PIGL: variants seen among roughly 807,000 people sequenced by gnomAD.
PIGL encodes the protein phosphatidylinositol glycan anchor biosynthesis class L, also known as N-acetylglucosaminyl-phosphatidylinositol de-N-acetylase.
Under a neutral mutation model 31.1 loss-of-function variants are expected in PIGL, and 22 were observed. The observed-to-expected ratio is 0.71, with a 90% confidence interval of 0.51 to 1.01. PIGL has a LOEUF of 1.01. PIGL is among the 50% of genes least tolerant of loss of function. PIGL has a pLI of 0.00. For synonymous variants in PIGL, 131 were observed against 117.4 expected (o/e 1.12, Z -0.75); for missense variants, 302 against 315.9 (o/e 0.96, Z 0.33).
chr17:16,269,813 C>T (rs1317252648), intron 2 of PIGL, among the ~76,000 whole-genome samples: 1 of 151,930 alleles, frequency 6.6e-6, no homozygotes, highest in African/African-American at 2.4e-5. Context: ...GTTTGGGAAC[C>T]TCTGGGCTGG....
At chr17:16,320,550 G>A (rs55657627) in intron 6 of PIGL, among the ~76,000 whole-genome samples, 1 of 149,136 alleles carries the variant, frequency 6.7e-6, no homozygotes, top group African/African-American at 2.5e-5. Context: ...AGGAAGGAAG[G>A]AAGAAAGGAA....
intron 3 of PIGL, among the ~76,000 whole-genome samples, chr17:16,311,733 C>G (rs2093051439): frequency 6.6e-6 from 1 of 151,328 alleles, no homozygotes; most frequent in Non-Finnish European, 1.5e-5. Context: ...CCATTTAACC[C>G]TGAGTGGACA....
chr17:16,245,797 C>T (rs1477365594), intron 2 of PIGL, among the ~76,000 whole-genome samples: 1 of 137,644 alleles, frequency 7.3e-6, no homozygotes, highest in Non-Finnish European at 1.5e-5. Context: ...TATATATACA[C>T]ACACACACAT....
chr17:16,287,480 C>T (rs1302767963), intron 2 of PIGL, among the ~76,000 whole-genome samples: 1 of 152,138 alleles, frequency 6.6e-6, no homozygotes, highest in African/African-American at 2.4e-5. Flanking sequence ...GTCACAGTCC[C>T]CAATAAAGTA....
At chr17:16,303,028 A>G (rs1049127318) in intron 3 of PIGL, among the ~76,000 whole-genome samples, 1 of 151,994 alleles carries the variant, frequency 6.6e-6, no homozygotes, top group Non-Finnish European at 1.5e-5. Context: ...GTTGCAGCTG[A>G]CCTTGACCCT....
intron 2 of PIGL, among the ~76,000 whole-genome samples, chr17:16,277,062 C>T (rs1160247637): frequency 6.6e-6 from 1 of 152,120 alleles, no homozygotes; most frequent in Non-Finnish European, 1.5e-5. Flanking sequence ...CTTGAGATCC[C>T]AAGATAACTT....
At chr17:16,254,577 AT>A (rs2092785978) in intron 2 of PIGL, among the ~76,000 whole-genome samples, 2 of 145,980 alleles carry the variant, frequency 1.4e-5, no homozygotes, top group African/African-American at 5.1e-5. Flanking sequence ...ATATACATGA[AT>A]TTTTTTGTTT....
rs552488024 is a variant in PIGL, at chr17:16,276,755, A to G, written c.336-23133A>G. On this transcript the variant is annotated intron_variant, in intron 2 of 6. Transcript: ENST00000225609. ...TCCATCTCAAAAAATAAAATAAAAT[A>G]AAATGACTAGACTCTGATAACATGC... 5.3e-5 allele frequency among the ~76,000 whole-genome samples: 8 copies of G among 152,346 alleles called. No individual in the cohort carries two copies. The South Asian group carries it at 1.4e-3, about 28-fold the overall frequency.
intron 2 of PIGL, among the ~76,000 whole-genome samples, chr17:16,241,867 AT>A (rs941616627): frequency 2.0e-5 from 3 of 152,154 alleles, no homozygotes; most frequent in Admixed American, 2.0e-4. Context: ...GTCTTTAATG[AT>A]TGTAAAGATT....
At chr17:16,251,786 G>A (rs1255033202) in intron 2 of PIGL, among the ~76,000 whole-genome samples, 1 of 151,850 alleles carries the variant, frequency 6.6e-6, no homozygotes, top group Non-Finnish European at 1.5e-5. Flanking sequence ...AAAGGTATAG[G>A]AAATGAATAA....
At chr17:16,311,486 A>T (rs1568840846) in intron 3 of PIGL, among the ~76,000 whole-genome samples, 357 of 10,052 alleles carry the variant, frequency 0.036, no homozygotes, top group Middle Eastern at 0.077. Context: ...TTTTTTGATC[A>T]TTCTTGGGTG....
At chr17:16,257,687 T>A (rs1002091493) in intron 2 of PIGL, among the ~76,000 whole-genome samples, 1 of 151,938 alleles carries the variant, frequency 6.6e-6, no homozygotes, top group Non-Finnish European at 1.5e-5. Flanking sequence ...TGATGCTATT[T>A]AATTTTTATA....
At chr17:16,237,805 C>CAA (rs57265734) in intron 2 of PIGL, among the ~76,000 whole-genome samples, 9,773 of 101,642 alleles carry the variant, frequency 0.096, 1,164 homozygotes, top group African/African-American at 0.28. Context: ...GTCTCAAAAG[C>CAA]AAAAAAAAAA....
At chr17:16,320,442 AAAG>A (rs2093100010) in intron 6 of PIGL, among the ~76,000 whole-genome samples, 1 of 107,016 alleles carries the variant, frequency 9.3e-6, no homozygotes, top group Non-Finnish European at 1.8e-5. Context: ...GGAGGGAAGG[AAAG>A]AAGGAAGGGA....
At chr17:16,269,760 T>C (rs1211116080) in intron 2 of PIGL, among the ~76,000 whole-genome samples, 1 of 50,820 alleles carries the variant, frequency 2.0e-5, no homozygotes, top group African/African-American at 4.7e-5. Flanking sequence ...AGAACCTGAA[T>C]TTTTTTTTTT....
chr17:16,319,553 G>C (rs1040957269), intron 6 of PIGL, among the ~76,000 whole-genome samples: 4 of 152,078 alleles, frequency 2.6e-5, no homozygotes, highest in African/African-American at 9.7e-5. Context: ...TCAGGAGTTT[G>C]AGACCAGCCA....
rs2093063242 is a variant in PIGL at position 16,313,452 on chromosome 17, G to A, written c.427-95G>A. On this transcript the variant is annotated intron_variant, in intron 3 of 6. Transcript: ENST00000225609. ...AGATGCTGCATTTGAAAAGTTTCAG[G>A]GTTCTGTTCTCTCCTTCCCAAGGGA... The A allele has an allele frequency of 4.5e-6, 4 of 880,550 alleles. No homozygotes were observed. In the Admixed American group the frequency reaches 5.2e-5, roughly 12 times the overall value. The allele number at this position is 880,550 out of a possible 1,614,324, so 54.5% of individuals were successfully genotyped here. A position where few individuals can be genotyped will look rare whatever the true frequency, so the allele number is the denominator to read the frequency against.
intron 6 of PIGL, among the ~76,000 whole-genome samples, chr17:16,319,478 G>C (rs576259827): frequency 7.2e-5 from 11 of 152,280 alleles, no homozygotes; most frequent in African/African-American, 2.6e-4. Context: ...GGGGAGGCCA[G>C]ACGCCGTGGC....
intron 2 of PIGL, among the ~76,000 whole-genome samples, chr17:16,274,980 T>G (rs1600810756): frequency 6.7e-6 from 1 of 149,340 alleles, no homozygotes; most frequent in Admixed American, 6.8e-5. Context: ...TGCAGTGAGC[T>G]GAGATCACAC....
Sources: gnomAD v4.1 joint callset for allele counts (sites outside exome capture counted in the v4.1 genomes callset) on GRCh38, gnomAD v4.1.1 for gene constraint, MANE v1.5 for transcripts, NCBI Gene and HGNC (gene_info 2026-07-23, HGNC 2026-07-21) for gene names.